KCNQ5: variants seen among roughly 807,000 people sequenced by gnomAD.
The protein encoded by KCNQ5 is potassium voltage-gated channel subfamily KQT member 5.
In KCNQ5, 30 loss-of-function variants were observed where a neutral mutation model predicts 98.2. That is an observed-to-expected ratio of 0.31 (90% CI 0.23 to 0.41). The LOEUF (loss-of-function observed/expected upper bound fraction) is 0.41. KCNQ5 is among the 10% of genes least tolerant of loss of function. The probability of loss-of-function intolerance (pLI) is 1.00; values close to 1 mark genes in which losing one functional copy is unlikely to be tolerated. For missense variants in KCNQ5, 835 were observed against 1,182.5 expected, an observed-to-expected ratio of 0.71 and a Z score of 4.31; for synonymous variants, 458 against 449.4, an observed-to-expected ratio of 1.02 and a Z score of -0.24.
At chr6:73,182,476 C>T (rs1004151156) in intron 11 of KCNQ5, among the ~76,000 whole-genome samples, 1 of 152,172 alleles carries the variant, frequency 6.6e-6, no homozygotes, top group African/African-American at 2.4e-5. Flanking sequence ...AACCAGGTTT[C>T]ACTCTTCTAC....
At chr6:73,091,605 A>G (rs1390330307) in intron 5 of KCNQ5, among the ~76,000 whole-genome samples, 1 of 152,058 alleles carries the variant, frequency 6.6e-6, no homozygotes, top group East Asian at 1.9e-4. Context: ...TGGATTCTCT[A>G]TTCTGTTCCA....
chr6:72,861,071 G>C (rs190322485), intron 1 of KCNQ5, among the ~76,000 whole-genome samples: 1 of 151,114 alleles, frequency 6.6e-6, no homozygotes, highest in Non-Finnish European at 1.5e-5. Flanking sequence ...TGTAAGTATT[G>C]CTATCCAGTC....
chr6:72,864,628 G>C (rs1581922139), intron 1 of KCNQ5, among the ~76,000 whole-genome samples: 1 of 152,208 alleles, frequency 6.6e-6, no homozygotes. Flanking sequence ...ATTATTTGGA[G>C]ATGCTAGTTT....
chr6:72,622,136 C>A lies in KCNQ5; in HGVS notation c.-54C>A. On this transcript the variant is annotated 5_prime_UTR_variant, in exon 1 of 14. Coordinates refer to ENST00000370398, the MANE Select transcript of KCNQ5 (RefSeq NM_019842.4). The surrounding 1 kb of genome is among the most constrained non-coding windows in gnomAD (Gnocchi z 6.0). Reference sequence around the variant, plus strand: ...TGAAACCCGCCGGCGCACATGAGGCCGCTGCCCCCGCCGCAGGCGCTGGCG... The same window carrying A: ...TGAAACCCGCCGGCGCACATGAGGCAGCTGCCCCCGCCGCAGGCGCTGGCG... 8.3e-7 allele frequency: 1 copy of A among 1,208,910 alleles called. No individual in the cohort carries two copies. The highest frequency in any genetic ancestry group is 1.0e-6 in the Non-Finnish European group (1 of 972,468). 74.9% of individuals were successfully genotyped at this position (1,208,910 alleles called of 1,614,324 possible).
At chr6:72,974,059 A>G (rs1034818748) in intron 1 of KCNQ5, among the ~76,000 whole-genome samples, 2 of 152,208 alleles carry the variant, frequency 1.3e-5, no homozygotes, top group Admixed American at 6.5e-5. Flanking sequence ...GGGGAGAAGT[A>G]ACATTGTCTT....
intron 1 of KCNQ5, among the ~76,000 whole-genome samples, chr6:72,642,745 A>G (rs1765388363): frequency 6.6e-6 from 1 of 152,130 alleles, no homozygotes; most frequent in South Asian, 2.1e-4. Flanking sequence ...CAACCCAGAA[A>G]TCCCATTACT....
chr6:72,752,728 G>GGACTA (rs1203130401), intron 1 of KCNQ5, among the ~76,000 whole-genome samples: 16 of 152,002 alleles, frequency 1.1e-4, no homozygotes, highest in Non-Finnish European at 1.9e-4. Context: ...GTAAAATAGG[G>GGACTA]GACTAGACTA....
intron 1 of KCNQ5, among the ~76,000 whole-genome samples, chr6:72,945,938 A>G (rs1375972365): frequency 6.6e-6 from 1 of 152,194 alleles, no homozygotes; most frequent in African/African-American, 2.4e-5. Flanking sequence ...CACTGGAAGT[A>G]AGTACATGTA....
chr6:72,822,403 A>G (rs1278475067), intron 1 of KCNQ5, among the ~76,000 whole-genome samples: 1 of 152,206 alleles, frequency 6.6e-6, no homozygotes, highest in East Asian at 1.9e-4. Context: ...AATGATGTGC[A>G]TGTTTTTTTG....
At chr6:72,934,029 C>G (rs750769566) in intron 1 of KCNQ5, among the ~76,000 whole-genome samples, 2 of 152,154 alleles carry the variant, frequency 1.3e-5, no homozygotes, top group African/African-American at 2.4e-5. Flanking sequence ...TACTACACTC[C>G]AGCCTGGGCA....
At chr6:72,722,912 C>T (rs1329680928) in intron 1 of KCNQ5, among the ~76,000 whole-genome samples, 5 of 145,584 alleles carry the variant, frequency 3.4e-5, no homozygotes, top group East Asian at 2.0e-4. Flanking sequence ...TGTAGTGGCA[C>T]GATCACAGCT....
intron 1 of KCNQ5, among the ~76,000 whole-genome samples, chr6:72,837,705 A>C (rs6453608): frequency 0.27 from 40,503 of 151,992 alleles, 6,378 homozygotes; most frequent in African/African-American, 0.44. Context: ...TATATCATGG[A>C]AAAATAGATC....
intron 1 of KCNQ5, among the ~76,000 whole-genome samples, chr6:72,974,357 C>G (rs1236345510): frequency 6.6e-6 from 1 of 151,022 alleles, no homozygotes; most frequent in Non-Finnish European, 1.5e-5. Context: ...TCTTCCCTTC[C>G]TCTCCTACAG....
At chr6:72,734,312 TTTTG>T (rs149734979) in intron 1 of KCNQ5, among the ~76,000 whole-genome samples, 13 of 151,502 alleles carry the variant, frequency 8.6e-5, no homozygotes, top group South Asian at 2.1e-4. Flanking sequence ...AATAACTAGT[TTTTG>T]TTTGTTTGTT....
rs137934816 is a variant in KCNQ5, at chr6:72,724,219, A to C, written c.398+101632A>C. Among the ~76,000 whole-genome samples, 78 of 152,328 alleles carry C rather than the reference A, an allele frequency of 5.1e-4. 2 individuals are homozygous for C. The East Asian group carries it at 0.013, about 24-fold the overall frequency. ...TACAAAAATGCTAGGAAAACTTGGT[A>C]GTAATACTACTTTTGTGGTTAAAGG... On this transcript the variant is annotated intron_variant, in intron 1 of 13. Coordinates refer to ENST00000370398, the MANE Select transcript of KCNQ5 (RefSeq NM_019842.4).
At chr6:72,653,373 T>C (rs906931372) in intron 1 of KCNQ5, among the ~76,000 whole-genome samples, 1 of 152,086 alleles carries the variant, frequency 6.6e-6, no homozygotes, top group Admixed American at 6.6e-5. Flanking sequence ...TTATCTCCAT[T>C]TCTAATTGTG....
chr6:72,627,277 A>G (rs2098918432), intron 1 of KCNQ5, among the ~76,000 whole-genome samples: 1 of 152,206 alleles, frequency 6.6e-6, no homozygotes, highest in Non-Finnish European at 1.5e-5. Flanking sequence ...GAGATAGTCC[A>G]AAGAATATAT....
intron 1 of KCNQ5, among the ~76,000 whole-genome samples, chr6:72,931,558 A>G (rs1765694443): frequency 6.6e-6 from 1 of 152,192 alleles, no homozygotes; most frequent in South Asian, 2.1e-4. Context: ...ACAAGTGGTA[A>G]CTGACTTAGC....
At chr6:72,633,587 G>A (rs892439764) in intron 1 of KCNQ5, among the ~76,000 whole-genome samples, 1 of 152,108 alleles carries the variant, frequency 6.6e-6, no homozygotes, top group Non-Finnish European at 1.5e-5. Context: ...AATAGCCAAA[G>A]CAATCCTAAG....
Sources: gnomAD v4.1 joint callset for allele counts (sites outside exome capture counted in the v4.1 genomes callset) on GRCh38, gnomAD v4.1.1 for gene constraint, Gnocchi (gnomAD v3.1) non-coding constraint, MANE v1.5 for transcripts, NCBI Gene and HGNC (gene_info 2026-07-23, HGNC 2026-07-21) for gene names.